HECTD2: variants seen among roughly 807,000 people sequenced by gnomAD.
The protein encoded by HECTD2 is HECT domain E3 ubiquitin protein ligase 2, also known as probable E3 ubiquitin-protein ligase HECTD2.
A neutral mutation model predicts 103.2 loss-of-function variants in HECTD2; 35 were observed. That is an observed-to-expected ratio of 0.34 (90% CI 0.26 to 0.45). The LOEUF (loss-of-function observed/expected upper bound fraction) is 0.45, where lower values mean the gene tolerates loss of function less well. Among genes scored for constraint, HECTD2 ranks in the 20% least tolerant of loss-of-function variants. HECTD2 has a pLI of 1.00. For missense variants in HECTD2, 596 were observed against 937.4 expected (o/e 0.64, Z 4.76); for synonymous variants, 281 against 329.9 (o/e 0.85, Z 1.61).
intron 8 of HECTD2, 54 bp downstream of exon 8, chr10:91,483,130 G>T: frequency 1.4e-6 from 1 of 719,600 alleles, no homozygotes; most frequent in Non-Finnish European, 2.3e-6. Flanking sequence ...TTTAAGTTTG[G>T]TATTAGTAAT....
intron 20 of HECTD2, among the ~76,000 whole-genome samples, chr10:91,507,557 C>A (rs1226744256): frequency 6.6e-6 from 1 of 152,058 alleles, no homozygotes; most frequent in Non-Finnish European, 1.5e-5. Context: ...AGGAATCCAA[C>A]TTACAAGGGA....
intron 2 of HECTD2, among the ~76,000 whole-genome samples, chr10:91,431,142 T>A (rs1487224572): frequency 6.6e-6 from 1 of 151,794 alleles, no homozygotes; most frequent in African/African-American, 2.4e-5. Context: ...CTTAGGAAGC[T>A]TAGTTTGGCT....
At chr10:91,457,075 T>C (rs567282041) in intron 2 of HECTD2, among the ~76,000 whole-genome samples, 33 of 152,236 alleles carry the variant, frequency 2.2e-4, no homozygotes, top group Admixed American at 6.6e-4. Context: ...ACAGATGAAG[T>C]GGACCAATTC....
At position 91,410,386 on chromosome 10, in the gene HECTD2, C is replaced by T; in HGVS notation, c.-53C>T. 3 of 1,253,920 alleles carry T rather than the reference C, an allele frequency of 2.4e-6. No homozygotes were observed. The highest frequency in any genetic ancestry group is 4.1e-5 in the Admixed American group (1 of 24,332). The allele number at this position is 1,253,920 out of a possible 1,614,324, so 77.7% of individuals were successfully genotyped here. ...GCGGCGGCAGCAGCAGCGCCAGCCC[C>T]AGCAACACTGAGGCCGCCGCCGCCG... is the stretch of plus-strand genomic sequence containing the variant. On this transcript the variant is annotated 5_prime_UTR_variant, in exon 1 of 21. Coordinates refer to ENST00000298068, the MANE Select transcript of HECTD2 (RefSeq NM_182765.6).
At chr10:91,421,969 T>C (rs996974831) in intron 1 of HECTD2, among the ~76,000 whole-genome samples, 1 of 152,190 alleles carries the variant, frequency 6.6e-6, no homozygotes, top group African/African-American at 2.4e-5. Flanking sequence ...TTCCTCTTCA[T>C]TCCCTATTAT....
chr10:91,419,011 A>G (rs989944553), intron 1 of HECTD2, among the ~76,000 whole-genome samples: 1 of 152,150 alleles, frequency 6.6e-6, no homozygotes, highest in Non-Finnish European at 1.5e-5. Context: ...TAGACGTTCA[A>G]TTTAAAATAT....
intron 4 of HECTD2, among the ~76,000 whole-genome samples, 179 bp downstream of exon 4, chr10:91,461,535 G>A (rs1049164469): frequency 6.6e-6 from 1 of 151,598 alleles, no homozygotes; most frequent in African/African-American, 2.4e-5. Flanking sequence ...TAAGTATATG[G>A]GTTTTTTGAG....
intron 1 of HECTD2, among the ~76,000 whole-genome samples, chr10:91,414,883 G>GT (rs202173922): frequency 1.3e-5 from 2 of 151,930 alleles, no homozygotes; most frequent in African/African-American, 2.4e-5. Context: ...AGCTTAGACA[G>GT]TTTTTTTTTC....
chr10:91,487,854 C>A lies in HECTD2; in HGVS notation c.1191+76C>A. On this transcript the variant is annotated intron_variant, in intron 11 of 20. Transcript: ENST00000298068. This position sits in a 1 kb window ranked among gnomAD's most constrained non-coding sequence, Gnocchi z 4.1. The stretch of plus-strand genomic sequence containing the variant: ...ATAATTTAATAAATAATTTAAATGT[C>A]TTGTGAATTGTTCTAGCATAATCAG... The A allele has an allele frequency of 1.1e-6, 1 of 873,368 alleles. No homozygotes were observed. The highest frequency in any genetic ancestry group is 1.7e-6 in the Non-Finnish European group (1 of 579,048). The allele number at this position is 873,368 out of a possible 1,614,324, so 54.1% of individuals were successfully genotyped here. A position where few individuals can be genotyped will look rare whatever the true frequency, so the allele number is the denominator to read the frequency against.
chr10:91,456,587 G>A (rs1845105575), intron 2 of HECTD2, among the ~76,000 whole-genome samples: 1 of 152,002 alleles, frequency 6.6e-6, no homozygotes, highest in Non-Finnish European at 1.5e-5. Context: ...CTGCCTGATT[G>A]CCCTGGCCAG....
At position 91,492,341 on chromosome 10, in the gene HECTD2, T is replaced by C; in HGVS notation, c.1300-11T>C. On this transcript the variant is annotated splice_polypyrimidine_tract_variant and intron_variant, in intron 12 of 20. Transcript: ENST00000298068. ...CTTTGTTCTCCTCTACTGTATAATA[T>C]CTTCAAATAGCTAACCCGGAAAAGA... The C allele has an allele frequency of 6.2e-7, 1 of 1,609,498 alleles. No homozygotes were observed. The highest frequency in any genetic ancestry group is 8.5e-7 in the Non-Finnish European group (1 of 1,176,056).
chr10:91,410,541 C>T lies in HECTD2; in HGVS notation c.103C>T (p.Pro35Ser). The T allele has an allele frequency of 6.8e-7, 1 of 1,464,482 alleles. No individual in the cohort carries two copies. The allele number at this position is 1,464,482 out of a possible 1,614,324, so 90.7% of individuals were successfully genotyped here. A position where few individuals can be genotyped will look rare whatever the true frequency, so the allele number is the denominator to read the frequency against. The change falls in exon 1 of 21, where the codon CCG (proline) becomes TCG (serine). Residue 35 changes from proline to serine, a missense_variant. Around this residue, in one of 4 missense-constraint regions of HECTD2, gnomAD observed 220 missense variants for 233.9 expected, o/e 0.94. Coordinates refer to ENST00000298068, the MANE Select transcript of HECTD2 (RefSeq NM_182765.6). ...KGKESEREKL[P>S]PIVSAGAGAT... is the part of the protein sequence containing the mutation. ...GAAGGAGTCAGAGCGCGAGAAGCTGCCGCCCATCGTATCGGCGGGCGCCGG... is the reference window on the plus strand; with the variant it reads ...GAAGGAGTCAGAGCGCGAGAAGCTGTCGCCCATCGTATCGGCGGGCGCCGG...
In HECTD2 at chr10:91,487,659, T is replaced by C. The variant is rs1447842227; in HGVS notation, c.1095-23T>C. Reference sequence around the variant, plus strand: ...GTTAAAAATACACCATTTTGCTTTTTCTTTTTTTCACTTGTTGAGCAGGTT... The same window carrying C: ...GTTAAAAATACACCATTTTGCTTTTCCTTTTTTTCACTTGTTGAGCAGGTT... On this transcript the variant is annotated intron_variant, in intron 10 of 20. Coordinates refer to ENST00000298068, the MANE Select transcript of HECTD2 (RefSeq NM_182765.6). This position sits in a 1 kb window ranked among gnomAD's most constrained non-coding sequence, Gnocchi z 4.1. 3 of 1,528,412 alleles carry C rather than the reference T, an allele frequency of 2.0e-6. No homozygotes were observed. Among genetic ancestry groups the C allele is most frequent in the Admixed American group, 3.3e-5 (2 of 59,886 alleles). The allele number at this position is 1,528,412 out of a possible 1,614,324, so 94.7% of individuals were successfully genotyped here. A position where few individuals can be genotyped will look rare whatever the true frequency, so the allele number is the denominator to read the frequency against.
chr10:91,513,147 GTTACT>G lies in HECTD2; in HGVS notation c.*765_*769del, dbSNP rs1333234690. 1 of 152,560 alleles carries G rather than the reference GTTACT, an allele frequency of 6.6e-6. No homozygotes were observed. The highest frequency in any genetic ancestry group is 1.5e-5 in the Non-Finnish European group (1 of 68,016). 9.5% of individuals were successfully genotyped at this position (152,560 alleles called of 1,614,324 possible). Reference sequence around the variant, plus strand: ...CTGCATGCACATTGGCAGTAAACTAGTTACTTGTGTACTCTGTAATATTTGTATAA... The same window carrying G: ...CTGCATGCACATTGGCAGTAAACTAGTGTGTACTCTGTAATATTTGTATAA... On this transcript the variant is annotated 3_prime_UTR_variant, in exon 21 of 21. Transcript: ENST00000298068.
At position 91,500,569 on chromosome 10, in the gene HECTD2, A is replaced by G. The variant is rs774649871; in HGVS notation, c.2018A>G (p.Gln673Arg). 1 of 1,612,362 alleles carries G rather than the reference A, an allele frequency of 6.2e-7. No homozygotes were observed. Among genetic ancestry groups the G allele is most frequent in the East Asian group, 2.2e-5 (1 of 44,866 alleles). Residue 673 changes from glutamine (Q) to arginine (R), a missense_variant, in exon 19 of 21, where the codon CAG becomes CGG. Around this residue, in one of 4 missense-constraint regions of HECTD2, gnomAD observed 69 missense variants for 153.8 expected, o/e 0.45. Transcript: ENST00000298068. Reference protein sequence around the residue: ...GSPDLDMHALQRSTQYDGYAK... With the variant: ...GSPDLDMHALRRSTQYDGYAK... Reference sequence around the variant, plus strand: ...CCTGACCTGGATATGCATGCTCTGCAGAGAAGTACTCAGTATGATGGCTAT... The same window carrying G: ...CCTGACCTGGATATGCATGCTCTGCGGAGAAGTACTCAGTATGATGGCTAT...
intron 10 of HECTD2, chr10:91,486,033 C>T (rs190494054): frequency 6.6e-6 from 1 of 152,154 alleles, no homozygotes; most frequent in East Asian, 1.9e-4. Flanking sequence ...CAAGACTATT[C>T]CAAACATAAT....
intron 20 of HECTD2, among the ~76,000 whole-genome samples, chr10:91,505,309 T>A (rs1156285271): frequency 2.0e-5 from 3 of 151,620 alleles, no homozygotes; most frequent in South Asian, 4.2e-4. Flanking sequence ...AATGCTCCAA[T>A]TAAAAGACAC....
intron 5 of HECTD2, among the ~76,000 whole-genome samples, chr10:91,474,283 A>G (rs1845831222): frequency 6.6e-6 from 1 of 152,224 alleles, no homozygotes; most frequent in African/African-American, 2.4e-5. Context: ...AAATATAGGA[A>G]TAAGTAATTG....
Position 91,501,349 on chromosome 10 carries a change from C to T in HECTD2, c.2210+15C>T, listed in dbSNP as rs761588632. The T allele has an allele frequency of 1.3e-6, 2 of 1,528,348 alleles. No individual in the cohort carries two copies. Among genetic ancestry groups the T allele is most frequent in the African/African-American group, 2.8e-5 (2 of 71,794 alleles). The allele number at this position is 1,528,348 out of a possible 1,614,324, so 94.7% of individuals were successfully genotyped here. A position where few individuals can be genotyped will look rare whatever the true frequency, so the allele number is the denominator to read the frequency against. Reference sequence around the variant, plus strand: ...TCTACTAACTGGTAAATTTCTGGATCTAATTTTATTTTAAATCTAAAGGTT... The same window carrying T: ...TCTACTAACTGGTAAATTTCTGGATTTAATTTTATTTTAAATCTAAAGGTT... On this transcript the variant is annotated intron_variant, in intron 20 of 20. Transcript: ENST00000298068.
Sources: allele counts gnomAD v4.1 joint callset (sites outside exome capture counted in the v4.1 genomes callset), GRCh38; gene constraint gnomAD v4.1.1; regional missense constraint gnomAD v4.1.1; non-coding constraint Gnocchi (gnomAD v3.1); transcripts MANE v1.5; gene names NCBI Gene and HGNC (gene_info 2026-07-23, HGNC 2026-07-21).